The following BCAR3 variants were observed in gnomAD, a reference collection of about 807,000 sequenced individuals.
BCAR3 encodes breast cancer anti-estrogen resistance protein 3.
BCAR3 carries 37 observed loss-of-function variants against 80.1 expected under a neutral mutation model. The ratio of observed to expected loss-of-function variants is 0.46; its 90% CI spans 0.36 to 0.61. The LOEUF (loss-of-function observed/expected upper bound fraction) is 0.61, where lower values mean the gene tolerates loss of function less well. Ranked by LOEUF, BCAR3 falls within the 20% of genes least tolerant of loss-of-function variation. The pLI, the probability that BCAR3 is intolerant of heterozygous loss-of-function variation, is 0.00. For synonymous variants in BCAR3, 389 were observed against 418.9 expected (o/e 0.93, Z 0.87); for missense variants, 978 against 1,068.2 (o/e 0.92, Z 1.18).
chr1:93,740,128 G>T (rs537052829), intron 2 of BCAR3, among the ~76,000 whole-genome samples: 1 of 152,172 alleles, frequency 6.6e-6, no homozygotes, highest in African/African-American at 2.4e-5. Context: ...CAACAGGAAG[G>T]CATTTTCATC....
intron 2 of BCAR3, among the ~76,000 whole-genome samples, chr1:93,655,221 G>A (rs1045154770): frequency 6.6e-6 from 1 of 152,184 alleles, no homozygotes; most frequent in East Asian, 1.9e-4. Flanking sequence ...TTTATTGAAG[G>A]ATCTTAAGCT....
chr1:93,619,063 C>T (rs1207279974), intron 3 of BCAR3, among the ~76,000 whole-genome samples: 7 of 151,572 alleles, frequency 4.6e-5, no homozygotes, highest in Middle Eastern at 3.4e-3. Flanking sequence ...CTCAGCCTCC[C>T]GAGTAGCTGG....
At chr1:93,745,715 A>G (rs1185223139) in intron 2 of BCAR3, among the ~76,000 whole-genome samples, 1 of 152,128 alleles carries the variant, frequency 6.6e-6, no homozygotes, top group Non-Finnish European at 1.5e-5. Context: ...CTACTTGTTC[A>G]TTAGTTCCCC....
intron 8 of BCAR3, 73 bp from the exon 9 acceptor site, chr1:93,571,914 G>C: frequency 6.6e-7 from 1 of 1,507,784 alleles, no homozygotes; most frequent in Non-Finnish European, 8.9e-7. Context: ...AATCAGCCAA[G>C]AGCAGGGCTG....
In BCAR3 at chr1:93,582,573, C is replaced by A. The variant is rs1255984468; in HGVS notation, c.1414G>T (p.Gly472Cys). Residue 472 changes from glycine (G) to cysteine (C), a missense_variant, in exon 7 of 12, where the codon GGC becomes TGC. Gly to Cys is a radical substitution (Grantham distance 159). Coordinates refer to ENST00000260502, the MANE Select transcript of BCAR3 (RefSeq NM_003567.4). ...TCATCAAGGATCAAGTAGTTGACGC[C>A]AGAGTTCCGGGGACCTGGCGCCTCA... is the stretch of plus-strand genomic sequence containing the variant. Reference protein sequence around the residue: ...QNEAPGPRNSGVNYLILDDDD... With the variant: ...QNEAPGPRNSCVNYLILDDDD... The A allele has an allele frequency of 6.2e-7, 1 of 1,613,470 alleles. No homozygotes were observed. The highest frequency in any genetic ancestry group is 1.7e-5 in the Admixed American group (1 of 59,880).
chr1:93,692,804 A>G (rs1466595545), intron 3 of BCAR3, among the ~76,000 whole-genome samples: 1 of 152,134 alleles, frequency 6.6e-6, no homozygotes, highest in Non-Finnish European at 1.5e-5. Context: ...ATCTTAAGAG[A>G]AGCAAGCAAG....
At chr1:93,641,936 C>G (rs1675993033) in intron 3 of BCAR3, among the ~76,000 whole-genome samples, 1 of 152,188 alleles carries the variant, frequency 6.6e-6, no homozygotes, top group Non-Finnish European at 1.5e-5. Flanking sequence ...ATTTATCCCT[C>G]TTAGTGTGAA....
At chr1:93,780,588 G>A (rs897068776) in intron 2 of BCAR3, among the ~76,000 whole-genome samples, 2 of 149,750 alleles carry the variant, frequency 1.3e-5, no homozygotes, top group African/African-American at 2.5e-5. Flanking sequence ...AAAAAAACAA[G>A]ATGGAGGAGC....
chr1:93,661,392 G>A (rs913070031), intron 2 of BCAR3, among the ~76,000 whole-genome samples: 10 of 152,050 alleles, frequency 6.6e-5, no homozygotes, highest in African/African-American at 1.9e-4. Context: ...ATGTTGACCA[G>A]GCTGGTCTCG....
chr1:93,762,164 C>T (rs1249863753), intron 2 of BCAR3, among the ~76,000 whole-genome samples: 1 of 152,226 alleles, frequency 6.6e-6, no homozygotes, highest in Non-Finnish European at 1.5e-5. Context: ...CTGAAGACAG[C>T]AGCACCAGGG....
At chr1:93,615,133 C>G (rs1675073187) in intron 3 of BCAR3, among the ~76,000 whole-genome samples, 1 of 150,530 alleles carries the variant, frequency 6.6e-6, no homozygotes, top group Admixed American at 6.7e-5. Flanking sequence ...CTGAAGCTTT[C>G]TAAAACTTCA....
chr1:93,606,803 A>G (rs939251923), intron 3 of BCAR3, among the ~76,000 whole-genome samples: 3 of 152,214 alleles, frequency 2.0e-5, no homozygotes, highest in African/African-American at 7.2e-5. Context: ...ACCCAAGAAG[A>G]CAGTAGGACT....
intron 2 of BCAR3, among the ~76,000 whole-genome samples, chr1:93,836,145 G>C (rs932867608): frequency 1.3e-5 from 2 of 152,148 alleles, no homozygotes; most frequent in South Asian, 4.1e-4. Context: ...CTCAGAATTA[G>C]AGCCTGTCCT....
At chr1:93,565,164 A>G (rs1381008382) in intron 11 of BCAR3, among the ~76,000 whole-genome samples, 3 of 151,940 alleles carry the variant, frequency 2.0e-5, no homozygotes, top group Non-Finnish European at 2.9e-5. Context: ...GAAATTAAGA[A>G]TCAAGGAGAA....
At chr1:93,769,992 C>T (rs914477387) in intron 2 of BCAR3, among the ~76,000 whole-genome samples, 3 of 152,194 alleles carry the variant, frequency 2.0e-5, no homozygotes, top group Admixed American at 2.0e-4. Context: ...CGCATCCCCT[C>T]TGTCTTCCCT....
chr1:93,819,964 T>C (rs1365397104), intron 2 of BCAR3, among the ~76,000 whole-genome samples: 1 of 152,160 alleles, frequency 6.6e-6, no homozygotes, highest in African/African-American at 2.4e-5. Flanking sequence ...TTCCCTCCTT[T>C]GTGTCCATGT....
intron 9 of BCAR3, 44 bp from the exon 10 acceptor site, chr1:93,567,895 AC>A: frequency 6.5e-7 from 1 of 1,530,246 alleles, no homozygotes; most frequent in South Asian, 1.1e-5. Flanking sequence ...TTTTAAAATT[AC>A]CTTTTAGTGG....
chr1:93,573,632 TA>T lies in BCAR3; in HGVS notation c.1803-1792del, dbSNP rs1553226875. Among the ~76,000 whole-genome samples the T allele has an allele frequency of 1.5e-3, 217 of 140,220 alleles. 1 individual carries two copies. Among genetic ancestry groups the T allele is most frequent in the African/African-American group, 5.9e-3 (201 of 33,970 alleles). The allele number at this position is 140,220 out of a possible 152,430, so 92.0% of individuals were successfully genotyped here. ...TTTTTATTATTATTATTATTATTATTATTTTTTTTTTTTTGAGACAGGGTTT... is the reference window on the plus strand; with the variant it reads ...TTTTTATTATTATTATTATTATTATTTTTTTTTTTTTTTGAGACAGGGTTT... On this transcript the variant is annotated intron_variant, in intron 8 of 11. Transcript: ENST00000260502.
chr1:93,779,816 C>T (rs1381417683), intron 2 of BCAR3, among the ~76,000 whole-genome samples: 2 of 152,186 alleles, frequency 1.3e-5, no homozygotes, highest in East Asian at 1.9e-4. Context: ...ACCTCCAGCC[C>T]AGCAGGGCCT....
Sources: allele counts gnomAD v4.1 joint callset (sites outside exome capture counted in the v4.1 genomes callset), GRCh38; gene constraint gnomAD v4.1.1; transcripts MANE v1.5; gene names NCBI Gene and HGNC (gene_info 2026-07-23, HGNC 2026-07-21).